Variants in LAMC2 observed in about 807,000 individuals in gnomAD.
The protein encoded by LAMC2 is laminin subunit gamma-2.
In LAMC2, 97 loss-of-function variants were observed where a neutral mutation model predicts 140.2. The ratio of observed to expected loss-of-function variants is 0.69; its 90% confidence interval spans 0.59 to 0.82. The LOEUF is 0.82. Ranked by LOEUF, LAMC2 falls within the 40% of genes least tolerant of loss-of-function variation. The probability of loss-of-function intolerance (pLI) is 0.00; values close to 1 mark genes in which losing one functional copy is unlikely to be tolerated. For synonymous variants in LAMC2, 513 were observed against 540.2 expected (o/e 0.95, Z 0.70); for missense variants, 1,402 against 1,476.1 (o/e 0.95, Z 0.82).
In LAMC2 at chr1:183,233,637, G is replaced by A. The variant is rs571827337; in HGVS notation, c.2221-730G>A. Among the ~76,000 whole-genome samples, 6 of 152,140 alleles carry A rather than the reference G, an allele frequency of 3.9e-5. No homozygotes were observed. The South Asian group carries it at 1.2e-3, about 32-fold the overall frequency. ...TAGAAAATAAATAAAAATTCTCTATGATCCCATTACTATCAAATAACCACT... is the reference window on the plus strand; with the variant it reads ...TAGAAAATAAATAAAAATTCTCTATAATCCCATTACTATCAAATAACCACT... On this transcript the variant is annotated intron_variant, in intron 14 of 22. Coordinates refer to ENST00000264144, the MANE Select transcript of LAMC2 (RefSeq NM_005562.3).
At chr1:183,215,681 C>G in intron 3 of LAMC2, 93 bp downstream of exon 3, 10 of 1,444,758 alleles carry the variant, frequency 6.9e-6, no homozygotes, top group Non-Finnish European at 9.7e-6. Context: ...AGCCCCTACC[C>G]TGTGCCAAAC....
chr1:183,237,568 A>ATGG, intron 18 of LAMC2, 64 bp downstream of exon 18: 3 of 1,418,910 alleles, frequency 2.1e-6, no homozygotes, highest in Non-Finnish European at 3.0e-6. Flanking sequence ...ATGAATAAAT[A>ATGG]TGGCAAGAAG....
intron 8 of LAMC2, 63 bp from the exon 9 acceptor site, chr1:183,226,635 G>A: frequency 1.5e-6 from 2 of 1,372,698 alleles, no homozygotes. Context: ...TCCCAAGAGA[G>A]ATCTGACTTG....
chr1:183,257,529 G>C, the LAMC2 span, among the ~76,000 whole-genome samples: 1 of 152,140 alleles, frequency 6.6e-6, no homozygotes, highest in African/African-American at 2.4e-5. Context: ...TCTTTGTTGG[G>C]AAGTTTTTAA....
intron 1 of LAMC2, among the ~76,000 whole-genome samples, chr1:183,204,514 C>T (rs1658823328): frequency 6.6e-6 from 1 of 151,126 alleles, no homozygotes; most frequent in African/African-American, 2.4e-5. Context: ...CGCCTCTATT[C>T]CCAGCTACTT....
chr1:183,193,902 G>A (rs918859346), intron 1 of LAMC2, among the ~76,000 whole-genome samples: 1 of 150,898 alleles, frequency 6.6e-6, no homozygotes, highest in African/African-American at 2.4e-5. Flanking sequence ...TGGCTCATAA[G>A]AGCTCATTTA....
Position 183,239,431 on chromosome 1 carries a change from C to T in LAMC2, c.2937C>T (p.Ile979=), listed in dbSNP as rs1225593619. 2.5e-6 allele frequency: 4 copies of T among 1,614,220 alleles called. No homozygotes were observed. The Admixed American group carries it at 5.0e-5, about 20-fold the overall frequency. The change falls in exon 20 of 23, where the codon ATC becomes ATT. Residue 979 remains isoleucine (I), a synonymous_variant. Transcript: ENST00000264144. ...AEEAMKRLSY[I]SQKVSDASDK... ...AAGCCATGAAGAGACTCTCCTACAT[C>T]AGCCAGAAGGTTTCAGATGCCAGTG...
At chr1:183,227,799 G>A (rs1028782426) in intron 10 of LAMC2, 102 bp downstream of exon 10, 2 of 1,111,644 alleles carry the variant, frequency 1.8e-6, no homozygotes, top group African/African-American at 3.1e-5. Context: ...AAATTATAAT[G>A]ACTTCGGGTT....
intron 18 of LAMC2, 118 bp from the exon 19 acceptor site, chr1:183,238,189 C>G (rs1209979141): frequency 2.7e-6 from 2 of 751,180 alleles, no homozygotes; most frequent in Non-Finnish European, 4.7e-6. Flanking sequence ...TTTGCTACAG[C>G]ACCCCTAGAC....
At position 183,234,463 on chromosome 1, in the gene LAMC2, G is replaced by A. The variant is rs1401270598; in HGVS notation, c.2300+17G>A. 1 of 1,601,640 alleles carries A rather than the reference G, an allele frequency of 6.2e-7. No homozygotes were observed. The highest frequency in any genetic ancestry group is 8.6e-7 in the Non-Finnish European group (1 of 1,168,718). On this transcript the variant is annotated intron_variant, in intron 15 of 22. Coordinates refer to ENST00000264144, the MANE Select transcript of LAMC2 (RefSeq NM_005562.3). ...AGCAGAAAGGTGAGCAGCATTAGAGGGCACCTCTGCTTCAAGCCGTCTCTG... is the reference window on the plus strand; with the variant it reads ...AGCAGAAAGGTGAGCAGCATTAGAGAGCACCTCTGCTTCAAGCCGTCTCTG...
chr1:183,242,636 C>G (rs1660160741), intron 22 of LAMC2, among the ~76,000 whole-genome samples: 1 of 152,160 alleles, frequency 6.6e-6, no homozygotes, highest in Non-Finnish European at 1.5e-5. Context: ...CAGCTGGAAT[C>G]CATTCCCCAA....
At chr1:183,229,654 A>G (rs923426996) in intron 11 of LAMC2, among the ~76,000 whole-genome samples, 1 of 149,388 alleles carries the variant, frequency 6.7e-6, no homozygotes, top group African/African-American at 2.5e-5. Context: ...AAAAAAAAAA[A>G]GTCCAGAGCC....
chr1:183,247,990 T>C (rs1181050741), downstream of LAMC2, among the ~76,000 whole-genome samples: 1 of 152,210 alleles, frequency 6.6e-6, no homozygotes, highest in Non-Finnish European at 1.5e-5. Context: ...AGATGTAAGA[T>C]TTAATGTTTC....
At chr1:183,206,661 A>AAC in intron 1 of LAMC2, among the ~76,000 whole-genome samples, 1 of 151,890 alleles carries the variant, frequency 6.6e-6, no homozygotes, top group East Asian at 1.9e-4. Flanking sequence ...CAAAAAAAAA[A>AAC]AAAAAAAGAT....
rs145951160 is a variant in LAMC2, at chr1:183,224,460, G to A, written c.953+1136G>A. Among the ~76,000 whole-genome samples the A allele has an allele frequency of 3.0e-3, 462 of 152,220 alleles. 2 individuals are homozygous for A. Among genetic ancestry groups the A allele is most frequent in the African/African-American group, 0.01 (420 of 41,546 alleles). ...GATTGTTAAGTCAAGAAGTGTGATC[G>A]TCAGGTGTGAAGGCTAGGTGCAACT... On this transcript the variant is annotated intron_variant, in intron 7 of 22. Coordinates refer to ENST00000264144, the MANE Select transcript of LAMC2 (RefSeq NM_005562.3).
intron 1 of LAMC2, among the ~76,000 whole-genome samples, chr1:183,199,473 C>T (rs1051033401): frequency 6.6e-6 from 1 of 151,782 alleles, no homozygotes; most frequent in East Asian, 1.9e-4. Flanking sequence ...CCCTCTCTTT[C>T]TTCCTTCCTT....
At chr1:183,236,388 CAAAAA>C (rs34154823) in intron 16 of LAMC2, 67 bp from the exon 17 acceptor site, 3,218 of 1,087,520 alleles carry the variant, frequency 3.0e-3, no homozygotes, top group East Asian at 4.2e-3. Context: ...AACCCTGTCT[CAAAAA>C]AAAAAAAAAA....
At chr1:183,251,639 C>G in the LAMC2 span, 1 of 152,714 alleles carries the variant, frequency 6.5e-6, no homozygotes, top group African/African-American at 2.4e-5. Context: ...GGTAGGGAAC[C>G]CGCACTGTGC....
intron 2 of LAMC2, among the ~76,000 whole-genome samples, chr1:183,209,209 C>G (rs1278725860): frequency 6.6e-6 from 1 of 151,918 alleles, no homozygotes; most frequent in African/African-American, 2.4e-5. Flanking sequence ...CTTTTCTTTG[C>G]TAGAAAGTGT....
Sources: gnomAD v4.1 joint callset for allele counts (sites outside exome capture counted in the v4.1 genomes callset) on GRCh38, gnomAD v4.1.1 for gene constraint, MANE v1.5 for transcripts, NCBI Gene and HGNC (gene_info 2026-07-23, HGNC 2026-07-21) for gene names.